The following SMCO1 variants were observed in gnomAD, a reference collection of about 807,000 sequenced individuals.
SMCO1 encodes single-pass membrane protein with coiled-coil domains 1.
Under a neutral mutation model 7.5 loss-of-function variants are expected in SMCO1, and 9 were observed. That is an observed-to-expected ratio of 1.20 (90% confidence interval 0.72 to 2.09). SMCO1 has a LOEUF of 2.09. Among genes scored for constraint, SMCO1 ranks in the 30% most tolerant of loss-of-function variants. The pLI is 0.00. For missense variants in SMCO1, 219 were observed against 253.1 expected, an observed-to-expected ratio of 0.87 and a Z score of 0.91; for synonymous variants, 90 against 93.8, an observed-to-expected ratio of 0.96 and a Z score of 0.23.
At position 196,508,344 on chromosome 3, in the gene SMCO1, T is replaced by C. The variant is rs769117147; in HGVS notation, c.201-13A>G. On this transcript the variant is annotated splice_polypyrimidine_tract_variant and intron_variant, in intron 2 of 2. Transcript: ENST00000397537. ...CATTGAAGTGAGCCTACAAAAAATA[T>C]GGAGAGCTTCTTAAGCGGTCAAAAA... 12 of 1,577,050 alleles carry C rather than the reference T, an allele frequency of 7.6e-6. No individual in the cohort carries two copies. In the East Asian group the frequency reaches 9.0e-5, roughly 12 times the overall value.
At chr3:196,515,484 A>G (rs1464037139), upstream of SMCO1, 1 of 431,948 alleles carries the variant, frequency 2.3e-6, no homozygotes, top group Non-Finnish European at 4.2e-6. Context: ...GTACATTAAC[A>G]TACAGCAACA....
chr3:196,514,164 T>C (rs149212417), intron 1 of SMCO1, among the ~76,000 whole-genome samples: 44 of 152,344 alleles, frequency 2.9e-4, no homozygotes, highest in African/African-American at 1.0e-3. Context: ...GTTTATGTCA[T>C]CCTGGCTTGC....
In SMCO1 at chr3:196,508,209, A is replaced by G; in HGVS notation, c.323T>C (p.Val108Ala). The change falls in exon 3 of 3, where the codon GTA becomes GCA. Residue 108 changes from valine to alanine, a missense_variant. Transcript: ENST00000397537. ...CTTGTTCTTAACTTTTCTTCTGAGTACAGAGGCTAAGGTTGGAAGACCTCT... is the reference window on the plus strand; with the variant it reads ...CTTGTTCTTAACTTTTCTTCTGAGTGCAGAGGCTAAGGTTGGAAGACCTCT... ...LVRGLPTLAS[V>A]LRRKVKNKRV... 6.2e-7 allele frequency: 1 copy of G among 1,614,174 alleles called. No individual in the cohort carries two copies. The highest frequency in any genetic ancestry group is 1.3e-5 in the African/African-American group (1 of 75,056).
chr3:196,508,086 T>C lies in SMCO1; in HGVS notation c.446A>G (p.Lys149Arg). ...CACTTTAGCAGTATAGTGTTCTGCC[T>C]TGTTACCACGTGCAATAAAGAAGGT... is the stretch of plus-strand genomic sequence containing the variant. ...LCTFFIARGN[K>R]AEHYTAKVRQ... is the part of the protein sequence containing the mutation. The change falls in exon 3 of 3, where the codon AAG becomes AGG. Residue 149 changes from lysine (K) to arginine (R), a missense_variant. Physicochemically the swap from Lys to Arg is conservative, Grantham distance 26. Coordinates refer to ENST00000397537, the MANE Select transcript of SMCO1 (RefSeq NM_001077657.3). 1 of 1,614,198 alleles carries C rather than the reference T, an allele frequency of 6.2e-7. No homozygotes were observed. The highest frequency in any genetic ancestry group is 1.1e-5 in the South Asian group (1 of 91,084).
At chr3:196,519,637 G>A (rs1315972603), upstream of SMCO1, among the ~76,000 whole-genome samples, 3 of 152,200 alleles carry the variant, frequency 2.0e-5, no homozygotes, top group African/African-American at 7.2e-5. Context: ...CATTTTCTAA[G>A]GGTAAATGCC....
upstream of SMCO1, among the ~76,000 whole-genome samples, chr3:196,517,616 A>AC (rs1296167030): frequency 2.0e-4 from 28 of 142,580 alleles, no homozygotes; most frequent in African/African-American, 6.1e-4. Flanking sequence ...ATCTAACAGC[A>AC]CCCCCCTGTG....
upstream of SMCO1, among the ~76,000 whole-genome samples, chr3:196,517,743 C>T (rs55812572): frequency 0.33 from 50,131 of 152,038 alleles, 9,349 homozygotes; most frequent in African/African-American, 0.51. Flanking sequence ...GATCTGGGCT[C>T]ACTGCAACCT....
chr3:196,520,032 T>C (rs761061800), upstream of SMCO1, among the ~76,000 whole-genome samples: 1 of 152,144 alleles, frequency 6.6e-6, no homozygotes, highest in Non-Finnish European at 1.5e-5. Flanking sequence ...TCTTTCTAGA[T>C]GGGAAACAGA....
In SMCO1 at chr3:196,508,268, A is replaced by G; in HGVS notation, c.264T>C (p.His88=). 2 of 1,614,138 alleles carry G rather than the reference A, an allele frequency of 1.2e-6. No individual in the cohort carries two copies. Among genetic ancestry groups the G allele is most frequent in the South Asian group, 1.1e-5 (1 of 91,074 alleles). Residue 88 remains histidine, a synonymous_variant, in exon 3 of 3, where the codon CAT becomes CAC. Coordinates refer to ENST00000397537, the MANE Select transcript of SMCO1 (RefSeq NM_001077657.3). Reference sequence around the variant, plus strand: ...CTGGCAGCTTCTCAAGCACACGAGTATGCAAGCAGATAAGTACTTCAATGA... The same window carrying G: ...CTGGCAGCTTCTCAAGCACACGAGTGTGCAAGCAGATAAGTACTTCAATGA... ...SYVIEVLICL[H]TRVLEKLPDL...
chr3:196,512,285 A>G (rs917802943), intron 1 of SMCO1, among the ~76,000 whole-genome samples: 1 of 152,116 alleles, frequency 6.6e-6, no homozygotes, highest in Admixed American at 6.5e-5. Flanking sequence ...TGTTGTTATG[A>G]GGGAAACATG....
chr3:196,517,335 A>G (rs1733412558), upstream of SMCO1, among the ~76,000 whole-genome samples: 1 of 152,088 alleles, frequency 6.6e-6, no homozygotes, highest in South Asian at 2.1e-4. Context: ...TAGCCTCCAG[A>G]TGGGGCTGGT....
At chr3:196,508,789 T>C (rs1733128667) in intron 2 of SMCO1, among the ~76,000 whole-genome samples, 1 of 149,796 alleles carries the variant, frequency 6.7e-6, no homozygotes, top group Admixed American at 6.6e-5. Context: ...ATACAAAAAT[T>C]AGCTGGGCAT....
At chr3:196,511,501 C>T (rs1265602768) in intron 1 of SMCO1, among the ~76,000 whole-genome samples, 1 of 70,662 alleles carries the variant, frequency 1.4e-5, no homozygotes, top group African/African-American at 1.1e-4. Flanking sequence ...CCTAGATTGT[C>T]CTTATGAGGG....
chr3:196,516,015 ATATATATATATATATAAT>A (rs1236996365), upstream of SMCO1, among the ~76,000 whole-genome samples: 1 of 95,546 alleles, frequency 1.0e-5, no homozygotes, highest in African/African-American at 1.0e-4. Flanking sequence ...ATATATATAT[ATATATATATATATATAAT>A]TATATATAAA....
chr3:196,510,170 C>T (rs758862491), intron 1 of SMCO1, among the ~76,000 whole-genome samples: 19 of 152,120 alleles, frequency 1.2e-4, no homozygotes, highest in Non-Finnish European at 2.5e-4. Flanking sequence ...CCAGGTATTG[C>T]TATGTTTGGC....
upstream of SMCO1, among the ~76,000 whole-genome samples, chr3:196,517,590 A>C (rs1733416923): frequency 7.5e-6 from 1 of 133,748 alleles, no homozygotes; most frequent in Admixed American, 7.4e-5. Context: ...ACCCCCCCAT[A>C]CCTTTCCCTA....
intron 1 of SMCO1, among the ~76,000 whole-genome samples, chr3:196,512,510 T>TC: frequency 1.2e-5 from 1 of 86,294 alleles, no homozygotes; most frequent in East Asian, 2.1e-4. Context: ...ATTTCCTTTC[T>TC]TTTTTTTTTT....
upstream of SMCO1, among the ~76,000 whole-genome samples, chr3:196,517,974 T>A (rs1248111320): frequency 6.6e-6 from 1 of 152,244 alleles, no homozygotes; most frequent in Admixed American, 6.5e-5. Context: ...CCTGCAAGCA[T>A]TGATTTGCAA....
upstream of SMCO1, among the ~76,000 whole-genome samples, chr3:196,519,468 G>T (rs1362258063): frequency 6.6e-6 from 1 of 152,194 alleles, no homozygotes; most frequent in Non-Finnish European, 1.5e-5. Context: ...ACAATTAGGA[G>T]TAAAATGTCC....
Sources: gnomAD v4.1 joint callset for allele counts (sites outside exome capture counted in the v4.1 genomes callset) on GRCh38, gnomAD v4.1.1 for gene constraint, MANE v1.5 for transcripts, NCBI Gene and HGNC (gene_info 2026-07-23, HGNC 2026-07-21) for gene names.